The following DPYD variants were observed in gnomAD, a reference collection of about 807,000 sequenced individuals.
The protein encoded by DPYD is dihydropyrimidine dehydrogenase [NADP(+)].
Under a neutral mutation model 116.2 loss-of-function variants are expected in DPYD, and 109 were observed. That is an observed-to-expected ratio of 0.94 (90% CI 0.80 to 1.10). The LOEUF (loss-of-function observed/expected upper bound fraction) is 1.10. Among genes scored for constraint, DPYD ranks in the 50% least tolerant of loss-of-function variants. DPYD has a pLI of 0.00. For missense variants in DPYD, 1,302 were observed against 1,254.5 expected (o/e 1.04, Z -0.57); for synonymous variants, 440 against 432.0 (o/e 1.02, Z -0.23).
At chr1:97,086,329 C>T (rs1034436681) in intron 21 of DPYD, among the ~76,000 whole-genome samples, 5 of 148,666 alleles carry the variant, frequency 3.4e-5, no homozygotes, top group South Asian at 2.1e-4. Context: ...GGATTACAGG[C>T]GTGAGCCACG....
chr1:97,238,931 T>C (rs1166537460), intron 18 of DPYD, among the ~76,000 whole-genome samples: 1 of 152,162 alleles, frequency 6.6e-6, no homozygotes, highest in Non-Finnish European at 1.5e-5. Flanking sequence ...TGTGGAATCC[T>C]CCAATAAAAA....
intron 13 of DPYD, among the ~76,000 whole-genome samples, chr1:97,461,128 C>T (rs961620157): frequency 6.6e-6 from 1 of 152,064 alleles, no homozygotes; most frequent in Non-Finnish European, 1.5e-5. Context: ...GCATATAAGG[C>T]AACCTTTGTT....
intron 20 of DPYD, among the ~76,000 whole-genome samples, chr1:97,155,682 T>C (rs1655395724): frequency 6.6e-6 from 1 of 152,190 alleles, no homozygotes; most frequent in African/African-American, 2.4e-5. Context: ...AAGTTTCATT[T>C]CATTTCTTCT....
intron 14 of DPYD, among the ~76,000 whole-genome samples, chr1:97,411,225 A>G (rs1673975650): frequency 6.6e-6 from 1 of 152,174 alleles, no homozygotes; most frequent in African/African-American, 2.4e-5. Context: ...CATCTCCTTC[A>G]GTACTGCATC....
chr1:97,298,389 G>C (rs1043801002), intron 18 of DPYD, among the ~76,000 whole-genome samples: 1 of 152,112 alleles, frequency 6.6e-6, no homozygotes, highest in African/African-American at 2.4e-5. Context: ...GAGAACCACT[G>C]ATCTACTGGA....
chr1:97,298,559 A>AGACAGCGTCTGGCTCTGTCGCCCAGGC (rs1666672360), intron 18 of DPYD, among the ~76,000 whole-genome samples: 1 of 150,560 alleles, frequency 6.6e-6, no homozygotes, highest in African/African-American at 2.5e-5. Context: ...ATTTCTTCTT[A>AGACAGCGTCTGGCTCTGTCGCCCAGGC]TGTAATCAGA....
At position 97,203,535 on chromosome 1, in the gene DPYD, G is replaced by A. The variant is rs556343850; in HGVS notation, c.2443-10287C>T. On this transcript the variant is annotated intron_variant, in intron 19 of 22. Coordinates refer to ENST00000370192, the MANE Select transcript of DPYD (RefSeq NM_000110.4). ...GGAGATATACCTAATGCTAGATGAC[G>A]AGTTAGTGGGTGCAGCGCACCAGCA... Among the ~76,000 whole-genome samples the A allele has an allele frequency of 3.3e-5, 5 of 151,016 alleles. No homozygotes were observed. The East Asian group carries it at 7.9e-4, about 24-fold the overall frequency.
Position 97,374,682 on chromosome 1 carries a change from G to A in DPYD, c.1975-1038C>T, listed in dbSNP as rs1272834689. On this transcript the variant is annotated intron_variant, in intron 15 of 22. Coordinates refer to ENST00000370192, the MANE Select transcript of DPYD (RefSeq NM_000110.4). ...TGCAGTAAGCTGAGATCGCACCACT[G>A]CACTCCAGCCTGGGAAAGAGCAAGA... 2.5e-5 allele frequency among the ~76,000 whole-genome samples: 3 copies of A among 119,646 alleles called. No homozygotes were observed. In the East Asian group the frequency reaches 8.6e-4, roughly 34 times the overall value. 78.5% of individuals were successfully genotyped at this position (119,646 alleles called of 152,430 possible). A position where few individuals can be genotyped will look rare whatever the true frequency, so the allele number is the denominator to read the frequency against.
At chr1:97,833,014 A>G (rs1264753367) in intron 2 of DPYD, among the ~76,000 whole-genome samples, 2 of 151,852 alleles carry the variant, frequency 1.3e-5, no homozygotes, top group Non-Finnish European at 2.9e-5. Context: ...AAAAAAAAGA[A>G]CAGCTAGCAA....
At chr1:97,643,723 C>G (rs1451075470) in intron 8 of DPYD, among the ~76,000 whole-genome samples, 7 of 152,050 alleles carry the variant, frequency 4.6e-5, no homozygotes, top group Admixed American at 1.3e-4. Flanking sequence ...GAAAATGTGG[C>G]ACATATACAC....
chr1:97,408,018 C>T (rs984757532), intron 14 of DPYD, among the ~76,000 whole-genome samples: 8 of 152,098 alleles, frequency 5.3e-5, no homozygotes, highest in Non-Finnish European at 1.0e-4. Context: ...TACTCCACAA[C>T]GGAGATAAGG....
At chr1:97,447,413 G>C (rs999931159) in intron 14 of DPYD, among the ~76,000 whole-genome samples, 5 of 152,168 alleles carry the variant, frequency 3.3e-5, no homozygotes, top group Non-Finnish European at 7.3e-5. Context: ...TCTCAGCATG[G>C]CAATATCGAG....
At chr1:97,904,950 C>G (rs999300090) in intron 1 of DPYD, among the ~76,000 whole-genome samples, 1 of 151,974 alleles carries the variant, frequency 6.6e-6, no homozygotes, top group Non-Finnish European at 1.5e-5. Context: ...GCAAGGGCAC[C>G]TGCATAGTCA....
At chr1:97,410,302 T>C (rs547111287) in intron 14 of DPYD, among the ~76,000 whole-genome samples, 1 of 152,304 alleles carries the variant, frequency 6.6e-6, no homozygotes, top group South Asian at 2.1e-4. Flanking sequence ...AATGAATAAT[T>C]AGACACTAAC....
At chr1:97,825,159 G>A (rs943792813) in intron 3 of DPYD, among the ~76,000 whole-genome samples, 1 of 151,950 alleles carries the variant, frequency 6.6e-6, no homozygotes, top group Admixed American at 6.6e-5. Context: ...ACAGGCTCAG[G>A]GCATCCTCAA....
At chr1:97,399,877 G>A (rs146592832) in intron 14 of DPYD, among the ~76,000 whole-genome samples, 4 of 151,972 alleles carry the variant, frequency 2.6e-5, no homozygotes, top group Admixed American at 1.3e-4. Flanking sequence ...CTAGATACAC[G>A]ATCATGTCAT....
chr1:97,296,759 A>C (rs1666563209), intron 18 of DPYD, among the ~76,000 whole-genome samples: 1 of 152,144 alleles, frequency 6.6e-6, no homozygotes, highest in South Asian at 2.1e-4. Context: ...TTTAAAAAAA[A>C]CATAAAAATA....
At chr1:97,144,391 A>T (rs1170707756) in intron 20 of DPYD, among the ~76,000 whole-genome samples, 1 of 152,172 alleles carries the variant, frequency 6.6e-6, no homozygotes. Context: ...AAGAACTACA[A>T]GTTCTCTGGT....
chr1:97,330,171 A>G (rs1347821104), intron 16 of DPYD, among the ~76,000 whole-genome samples: 2 of 152,146 alleles, frequency 1.3e-5, no homozygotes, highest in Non-Finnish European at 2.9e-5. Context: ...AAGTGAATCA[A>G]TAAAAATAAA....
Sources: allele counts gnomAD v4.1 joint callset (sites outside exome capture counted in the v4.1 genomes callset), GRCh38; gene constraint gnomAD v4.1.1; transcripts MANE v1.5; gene names NCBI Gene and HGNC (gene_info 2026-07-23, HGNC 2026-07-21).